TBCD: variants seen among roughly 807,000 people sequenced by gnomAD.
TBCD encodes the protein tubulin folding cofactor D.
In TBCD, 105 loss-of-function variants were observed where a neutral mutation model predicts 169.3. The ratio of observed to expected loss-of-function variants is 0.62; its 90% CI spans 0.53 to 0.73. TBCD has a LOEUF of 0.73. Ranked by LOEUF, TBCD falls within the 30% of genes least tolerant of loss-of-function variation. The probability of loss-of-function intolerance (pLI) is 0.00; values close to 1 mark genes in which losing one functional copy is unlikely to be tolerated. For synonymous variants in TBCD, 700 were observed against 643.9 expected (o/e 1.09, Z -1.32); for missense variants, 1,444 against 1,600.1 (o/e 0.90, Z 1.66).
Position 82,874,865 on chromosome 17 carries a change from A to G in TBCD, c.1475+4485A>G, listed in dbSNP as rs1183533593. Among the ~76,000 whole-genome samples, 2 of 152,074 alleles carry G rather than the reference A, an allele frequency of 1.3e-5. No individual in the cohort carries two copies. Among genetic ancestry groups the G allele is most frequent in the African/African-American group, 4.8e-5 (2 of 41,410 alleles). ...AGCTTTTATGCCCGTCAATTTGGGA[A>G]CGTGATACAATCTTGATTTCTCTAA... On this transcript the variant is annotated intron_variant, in intron 14 of 38. Coordinates refer to ENST00000355528, the MANE Select transcript of TBCD (RefSeq NM_005993.5). This position sits in a 1 kb window ranked among gnomAD's most constrained non-coding sequence, Gnocchi z 5.0.
intron 33 of TBCD, 21 bp from the exon 34 acceptor site, chr17:82,932,637 C>T (rs372326795): frequency 4.5e-5 from 73 of 1,609,476 alleles, no homozygotes; most frequent in Non-Finnish European, 5.9e-5. Context: ...TCCAGGGTCT[C>T]ACAGCTCCTT....
intron 9 of TBCD, among the ~76,000 whole-genome samples, chr17:82,801,888 C>T (rs1256268688): frequency 4.5e-5 from 6 of 132,066 alleles, no homozygotes; most frequent in African/African-American, 1.2e-4. Context: ...TCGTGTGGTT[C>T]GGAGTCAGCG....
At chr17:82,876,620 A>G (rs545731769) in intron 14 of TBCD, among the ~76,000 whole-genome samples, 248 of 152,362 alleles carry the variant, frequency 1.6e-3, no homozygotes, top group South Asian at 5.8e-3. Context: ...CCAAATCAGG[A>G]CAGTGTTAAA....
rs2049533422 is a variant in TBCD, at chr17:82,789,355, G to A, written c.771+7634G>A. On this transcript the variant is annotated intron_variant, in intron 7 of 38. Coordinates refer to ENST00000355528, the MANE Select transcript of TBCD (RefSeq NM_005993.5). The surrounding 1 kb of genome is among the most constrained non-coding windows in gnomAD (Gnocchi z 4.8). ...CCATCAGCCCTGGCCCATCCCTGCTGAGGTGGCGCGACCTGCTCACAGACG... is the reference window on the plus strand; with the variant it reads ...CCATCAGCCCTGGCCCATCCCTGCTAAGGTGGCGCGACCTGCTCACAGACG... Among the ~76,000 whole-genome samples the A allele has an allele frequency of 6.6e-6, 1 of 152,218 alleles. No homozygotes were observed. The highest frequency in any genetic ancestry group is 2.4e-5 in the African/African-American group (1 of 41,464).
rs890425460 is a variant in TBCD at position 82,945,524 on chromosome 17, A to C, written c.*3061A>C. 9 of 152,246 alleles carry C rather than the reference A, an allele frequency of 5.9e-5. No homozygotes were observed. The highest frequency in any genetic ancestry group is 2.2e-4 in the African/African-American group (9 of 41,464). 9.4% of individuals were successfully genotyped at this position (152,246 alleles called of 1,614,324 possible). ...CCAAGGTCTTCATTATGCTGAGAGAAAATAGCTGTCAAGTTGCTTGAATTG... is the reference window on the plus strand; with the variant it reads ...CCAAGGTCTTCATTATGCTGAGAGACAATAGCTGTCAAGTTGCTTGAATTG... On this transcript the variant is annotated 3_prime_UTR_variant, in exon 39 of 39. Transcript: ENST00000355528.
At chr17:82,938,215 T>G (rs2062799619) in intron 36 of TBCD, 79 bp downstream of exon 36, 1 of 1,462,212 alleles carries the variant, frequency 6.8e-7, no homozygotes, top group Non-Finnish European at 9.4e-7. Context: ...TCGCTGGCAC[T>G]GTTGTGTTGG....
At chr17:82,798,733 T>C (rs1185823359) in intron 8 of TBCD, among the ~76,000 whole-genome samples, 1 of 146,550 alleles carries the variant, frequency 6.8e-6, no homozygotes, top group East Asian at 2.0e-4. Flanking sequence ...CCACCTCTTT[T>C]GCCTTCTTCC....
At chr17:82,801,809 AGC>A in intron 9 of TBCD, among the ~76,000 whole-genome samples, 2 of 127,276 alleles carry the variant, frequency 1.6e-5, no homozygotes, top group Non-Finnish European at 3.2e-5. Context: ...GCTCGGAGTC[AGC>A]GTGGCAGGAG....
In TBCD at chr17:82,938,068, T is replaced by C. The variant is rs1347970204; in HGVS notation, c.3301T>C (p.Phe1101Leu). 3 of 1,613,014 alleles carry C rather than the reference T, an allele frequency of 1.9e-6. No homozygotes were observed. Among genetic ancestry groups the C allele is most frequent in the Non-Finnish European group, 2.5e-6 (3 of 1,179,822 alleles). ...CGGCAGGTTCTGCGAGATGGTGCAGTTCCCCGGCGACGTGAGGAGGCAGGC... is the reference window on the plus strand; with the variant it reads ...CGGCAGGTTCTGCGAGATGGTGCAGCTCCCCGGCGACGTGAGGAGGCAGGC... ...GIAVFCEMVQ[F>L]PGDVRRQALL... Residue 1101 changes from phenylalanine to leucine, a missense_variant, in exon 36 of 39, where the codon TTC (phenylalanine) becomes CTC (leucine). By Grantham distance (22) the Phe-to-Leu change is conservative (BLOSUM62 0). Transcript: ENST00000355528.
chr17:82,863,432 G>T (rs2056932669), intron 13 of TBCD, among the ~76,000 whole-genome samples: 1 of 152,244 alleles, frequency 6.6e-6, no homozygotes, highest in Non-Finnish European at 1.5e-5. Flanking sequence ...AAAGCTCTCC[G>T]AGAGCGACGG....
intron 13 of TBCD, among the ~76,000 whole-genome samples, chr17:82,828,505 C>CA (rs2053144767): frequency 9.8e-5 from 13 of 132,180 alleles, no homozygotes; most frequent in East Asian, 2.7e-4. Flanking sequence ...ATCGAATGCA[C>CA]CCCCCCCGCA....
intron 15 of TBCD, chr17:82,886,244 C>T (rs1366194273): frequency 6.6e-6 from 1 of 152,266 alleles, no homozygotes; most frequent in Non-Finnish European, 1.5e-5. Context: ...GCAGCTGGTT[C>T]TCAGCATTGG....
rs112584104 is a variant in TBCD, at chr17:82,835,228, C to T, written c.1318+20294C>T. Among the ~76,000 whole-genome samples the T allele has an allele frequency of 2.0e-5, 3 of 152,130 alleles. No individual in the cohort carries two copies. The highest frequency in any genetic ancestry group is 2.9e-5 in the Non-Finnish European group (2 of 67,984). On this transcript the variant is annotated intron_variant, in intron 13 of 38. Transcript: ENST00000355528. This position sits in a 1 kb window ranked among gnomAD's most constrained non-coding sequence, Gnocchi z 4.5. ...AAGCCGCCCCTTGAAAATAGAGCAA[C>T]GTGTGTGGGAGCCTAGGAGGCAGCT... is the stretch of plus-strand genomic sequence containing the variant.
chr17:82,942,391 G>A (rs1467949207), intron 38 of TBCD, 58 bp from the exon 39 acceptor site: 2 of 1,612,104 alleles, frequency 1.2e-6, no homozygotes, highest in East Asian at 2.2e-5. Flanking sequence ...GGGTCCCCTG[G>A]CTGGGAATGG....
Position 82,809,693 on chromosome 17 carries a change from G to C in TBCD, c.1149-15G>C. 1 of 1,612,206 alleles carries C rather than the reference G, an allele frequency of 6.2e-7. No homozygotes were observed. ...CTGGTGGTGCCCCTGACGGATTGCT[G>C]CGTTTCTCTTTCAGCATCGGTAGGA... On this transcript the variant is annotated splice_polypyrimidine_tract_variant and intron_variant, in intron 11 of 38. Coordinates refer to ENST00000355528, the MANE Select transcript of TBCD (RefSeq NM_005993.5).
rs774626621 is a variant in TBCD, at chr17:82,893,601, G to C, written c.1618G>C (p.Gly540Arg). 2.5e-6 allele frequency: 4 copies of C among 1,611,104 alleles called. No homozygotes were observed. Among genetic ancestry groups the C allele is most frequent in the Non-Finnish European group, 3.4e-6 (4 of 1,178,610 alleles). ...ILTTADYFAV[G>R]NRSNCFLVIS... ...GACCACAGCTGACTATTTTGCCGTC[G>C]GTAACAGATCCAACTGTTTCCTGGT... The change falls in exon 17 of 39, where the codon GGT becomes CGT. Residue 540 changes from glycine to arginine, a missense_variant. Gly to Arg is a moderately radical substitution (Grantham distance 125). Coordinates refer to ENST00000355528, the MANE Select transcript of TBCD (RefSeq NM_005993.5).
At chr17:82,928,956 T>C (rs1203812843) in intron 30 of TBCD, among the ~76,000 whole-genome samples, 157 bp from the exon 31 acceptor site, 1 of 152,162 alleles carries the variant, frequency 6.6e-6, no homozygotes, top group Non-Finnish European at 1.5e-5. Flanking sequence ...GCCAGTGTCC[T>C]GGTGTCAGCT....
intron 7 of TBCD, among the ~76,000 whole-genome samples, chr17:82,794,469 A>G (rs980967447): frequency 6.6e-6 from 1 of 152,046 alleles, no homozygotes; most frequent in Admixed American, 6.5e-5. Flanking sequence ...ACCTCTGTCT[A>G]GTGTATGCTT....
intron 14 of TBCD, among the ~76,000 whole-genome samples, chr17:82,878,238 T>G (rs947447052): frequency 7.2e-6 from 1 of 138,334 alleles, no homozygotes; most frequent in African/African-American, 2.7e-5. Flanking sequence ...GTCTTTATCT[T>G]TCTTGATCTT....
Sources: allele counts gnomAD v4.1 joint callset (sites outside exome capture counted in the v4.1 genomes callset), GRCh38; gene constraint gnomAD v4.1.1; non-coding constraint Gnocchi (gnomAD v3.1); transcripts MANE v1.5; gene names NCBI Gene and HGNC (gene_info 2026-07-23, HGNC 2026-07-21).